Variants in ZDHHC3 observed in about 807,000 individuals in gnomAD.
ZDHHC3 encodes palmitoyltransferase ZDHHC3.
A neutral mutation model predicts 30.6 loss-of-function variants in ZDHHC3; 9 were observed. The observed-to-expected ratio is 0.29, with a 90% CI of 0.18 to 0.51. The LOEUF is 0.51. ZDHHC3 is among the 20% of genes least tolerant of loss of function. The pLI is 0.97. For synonymous variants in ZDHHC3, 136 were observed against 140.2 expected (o/e 0.97, Z 0.21); for missense variants, 246 against 384.2 (o/e 0.64, Z 3.01).
chr3:44,930,899 G>C (rs1701433895), intron 5 of ZDHHC3, among the ~76,000 whole-genome samples: 1 of 152,140 alleles, frequency 6.6e-6, no homozygotes, highest in Non-Finnish European at 1.5e-5. Flanking sequence ...ACATCTGGCA[G>C]ACACCACGAG....
At chr3:44,966,425 C>A (rs1553694369) in intron 1 of ZDHHC3, among the ~76,000 whole-genome samples, 1 of 152,176 alleles carries the variant, frequency 6.6e-6, no homozygotes, top group Non-Finnish European at 1.5e-5. Flanking sequence ...GTTCAGTCTA[C>A]CCTTAAACAA....
chr3:44,974,837 C>G (rs1419579048), intron 1 of ZDHHC3, among the ~76,000 whole-genome samples: 1 of 152,152 alleles, frequency 6.6e-6, no homozygotes, highest in African/African-American at 2.4e-5. Context: ...ATCAGACGAC[C>G]TCCCAATCCC....
intron 2 of ZDHHC3, among the ~76,000 whole-genome samples, chr3:44,952,719 C>T (rs930953815): frequency 3.9e-5 from 6 of 152,226 alleles, no homozygotes; most frequent in African/African-American, 1.2e-4. Flanking sequence ...CAAACCCTCA[C>T]CCGCTCCAAC....
intron 3 of ZDHHC3, among the ~76,000 whole-genome samples, chr3:44,935,564 T>TA (rs1273959417): frequency 2.6e-5 from 4 of 152,160 alleles, no homozygotes; most frequent in Non-Finnish European, 4.4e-5. Flanking sequence ...GCCCAGCAAA[T>TA]AATTACCTCT....
Position 44,923,836 on chromosome 3 carries a change from CAAAATGGTGGGACTA to C in ZDHHC3, c.*2838_*2852del. The C allele has an allele frequency of 1.0e-6, 1 of 985,376 alleles. No homozygotes were observed. The highest frequency in any genetic ancestry group is 1.1e-4 in the East Asian group (1 of 8,810). 61.0% of individuals were successfully genotyped at this position (985,376 alleles called of 1,614,324 possible). On this transcript the variant is annotated 3_prime_UTR_variant, in exon 7 of 7. Coordinates refer to ENST00000424952, the MANE Select transcript of ZDHHC3 (RefSeq NM_001135179.2). ...AAGAGGAAGTACAGTATGAAGAAGA[CAAAATGGTGGGACTA>C]AAAGGAGATTTAGCACATGCACTTC...
chr3:44,964,067 TTA>T (rs2125919802), intron 1 of ZDHHC3, among the ~76,000 whole-genome samples: 1 of 152,362 alleles, frequency 6.6e-6, no homozygotes, highest in East Asian at 1.9e-4. Flanking sequence ...AAGTCTCATT[TTA>T]TTTAGCTCTG....
rs2125954576 is a variant in ZDHHC3 at position 44,976,144 on chromosome 3, CGCGGCTGCAGGA to C, written c.-248_-237del. ...GAGCTCTCCCGGCAGTGGCGGCGGC[CGCGGCTGCAGGA>C]GCGGCCGCCGCGCAGGTTGATGACG... On this transcript the variant is annotated 5_prime_UTR_variant, in exon 1 of 7. Transcript: ENST00000424952. The C allele has an allele frequency of 8.8e-6, 6 of 685,452 alleles. No individual in the cohort carries two copies. The East Asian group carries it at 1.4e-4, about 16-fold the overall frequency. 42.5% of individuals were successfully genotyped at this position (685,452 alleles called of 1,614,324 possible).
Position 44,959,104 on chromosome 3 carries a change from G to C in ZDHHC3, c.306+27C>G, listed in dbSNP as rs1559710799. On this transcript the variant is annotated intron_variant, in intron 2 of 6. Transcript: ENST00000424952. This position sits in a 1 kb window ranked among gnomAD's most constrained non-coding sequence, Gnocchi z 4.3. ...GAGCCAGAGGAGGAGAGTGTGGGCT[G>C]GTCAAAACAAGCCCAGACATACTCA... 6.2e-7 allele frequency: 1 copy of C among 1,612,004 alleles called. No individual in the cohort carries two copies. Among genetic ancestry groups the C allele is most frequent in the Admixed American group, 1.7e-5 (1 of 60,018 alleles).
Position 44,933,878 on chromosome 3 carries a change from G to A in ZDHHC3, c.528+10C>T. 1 of 1,613,806 alleles carries A rather than the reference G, an allele frequency of 6.2e-7. No individual in the cohort carries two copies. The highest frequency in any genetic ancestry group is 8.5e-7 in the Non-Finnish European group (1 of 1,179,708). On this transcript the variant is annotated intron_variant, in intron 4 of 6. Coordinates refer to ENST00000424952, the MANE Select transcript of ZDHHC3 (RefSeq NM_001135179.2). ...ATGGGGGGCAGGGCAGAATTTGCAAGCTGACTTACTGTAAACAGGACGAAG... is the reference window on the plus strand; with the variant it reads ...ATGGGGGGCAGGGCAGAATTTGCAAACTGACTTACTGTAAACAGGACGAAG...
At chr3:44,941,288 T>C (rs1234766951) in intron 3 of ZDHHC3, among the ~76,000 whole-genome samples, 1 of 152,154 alleles carries the variant, frequency 6.6e-6, no homozygotes, top group African/African-American at 2.4e-5. Flanking sequence ...TACCACATCC[T>C]GGCTCCAGCT....
intron 3 of ZDHHC3, among the ~76,000 whole-genome samples, chr3:44,938,840 G>A (rs1010684978): frequency 2.6e-5 from 4 of 152,186 alleles, no homozygotes; most frequent in African/African-American, 7.2e-5. Context: ...CCTCCACCAC[G>A]GTGCTCACTT....
At chr3:44,953,806 A>C (rs1006144929) in intron 2 of ZDHHC3, among the ~76,000 whole-genome samples, 3 of 152,180 alleles carry the variant, frequency 2.0e-5, no homozygotes, top group African/African-American at 7.2e-5. Context: ...CATGAGGGAG[A>C]ATGCAGCACG....
intron 1 of ZDHHC3, among the ~76,000 whole-genome samples, chr3:44,966,357 T>C (rs1301869373): frequency 6.6e-6 from 1 of 152,240 alleles, no homozygotes; most frequent in African/African-American, 2.4e-5. Context: ...TGGTATCCTC[T>C]TGAACTTGTC....
At chr3:44,929,487 G>A (rs1244463284) in intron 5 of ZDHHC3, 51 bp from the exon 6 acceptor site, 1 of 1,603,028 alleles carries the variant, frequency 6.2e-7, no homozygotes, top group South Asian at 1.1e-5. Context: ...ACTGCCTGCT[G>A]CCCAGGCTCA....
chr3:44,938,866 G>C (rs1702200752), intron 3 of ZDHHC3, among the ~76,000 whole-genome samples: 1 of 152,244 alleles, frequency 6.6e-6, no homozygotes, highest in South Asian at 2.1e-4. Context: ...CCAAGGAGAA[G>C]ATGTGTGCTT....
At chr3:44,962,561 A>G (rs949413278) in intron 1 of ZDHHC3, among the ~76,000 whole-genome samples, 1 of 141,452 alleles carries the variant, frequency 7.1e-6, no homozygotes, top group African/African-American at 2.5e-5. Flanking sequence ...GAGGGGTATT[A>G]TAGCTGTTTG....
chr3:44,934,109 G>T (rs1199184328), intron 3 of ZDHHC3, 125 bp from the exon 4 acceptor site: 3 of 899,330 alleles, frequency 3.3e-6, no homozygotes, highest in Non-Finnish European at 5.4e-6. Flanking sequence ...ACTGCCAGGG[G>T]TTTTGCTGGG....
chr3:44,957,202 CT>C (rs1704026826), intron 2 of ZDHHC3, among the ~76,000 whole-genome samples: 1 of 152,140 alleles, frequency 6.6e-6, no homozygotes, highest in Non-Finnish European at 1.5e-5. Context: ...GTCACTTTGT[CT>C]TATTGTCTTT....
In ZDHHC3 at chr3:44,922,780, T is replaced by C; in HGVS notation, c.*3909A>G. 1 of 985,126 alleles carries C rather than the reference T, an allele frequency of 1.0e-6. No individual in the cohort carries two copies. Among genetic ancestry groups the C allele is most frequent in the Non-Finnish European group, 1.2e-6 (1 of 829,710 alleles). 61.0% of individuals were successfully genotyped at this position (985,126 alleles called of 1,614,324 possible). The stretch of plus-strand genomic sequence containing the variant: ...CTGGGGTGGGGACCGAGAATGTGCA[T>C]TTCTAACAAGTTCTCAGGTGATGCT... On this transcript the variant is annotated 3_prime_UTR_variant, in exon 7 of 7. Coordinates refer to ENST00000424952, the MANE Select transcript of ZDHHC3 (RefSeq NM_001135179.2).
Sources: gnomAD v4.1 joint callset for allele counts (sites outside exome capture counted in the v4.1 genomes callset) on GRCh38, gnomAD v4.1.1 for gene constraint, Gnocchi (gnomAD v3.1) non-coding constraint, MANE v1.5 for transcripts, NCBI Gene and HGNC (gene_info 2026-07-23, HGNC 2026-07-21) for gene names.